The following SYNE1 variants were observed in gnomAD, a reference collection of about 807,000 sequenced individuals.
The protein encoded by SYNE1 is spectrin repeat containing nuclear envelope protein 1.
Under a neutral mutation model 1,111.0 loss-of-function variants are expected in SYNE1, and 616 were observed. The ratio of observed to expected loss-of-function variants is 0.55; its 90% CI spans 0.52 to 0.59. The LOEUF is 0.59. Among genes scored for constraint, SYNE1 ranks in the 20% least tolerant of loss-of-function variants. The pLI is 0.00. For missense variants in SYNE1, 10,006 were observed against 10,417.0 expected, an observed-to-expected ratio of 0.96 and a Z score of 1.72; for synonymous variants, 3,855 against 3,825.8, an observed-to-expected ratio of 1.01 and a Z score of -0.28.
chr6:152,184,631 T>TAGATAG (rs1554508083), intron 128 of SYNE1, among the ~76,000 whole-genome samples: 3 of 142,916 alleles, frequency 2.1e-5, no homozygotes, highest in Non-Finnish European at 3.1e-5. Context: ...TATACACATA[T>TAGATAG]ATAGATAGAT....
At chr6:152,255,562 C>A in intron 103 of SYNE1, 29 bp downstream of exon 103, 2 of 1,612,798 alleles carry the variant, frequency 1.2e-6, no homozygotes, top group Non-Finnish European at 1.7e-6. Context: ...TAATGTTATA[C>A]ACACACAGGC....
chr6:152,361,329 T>C (rs181489286), intron 64 of SYNE1, among the ~76,000 whole-genome samples: 20 of 152,198 alleles, frequency 1.3e-4, no homozygotes, highest in African/African-American at 4.6e-4. Flanking sequence ...CTGTAGACAA[T>C]GGGAAGCCAA....
intron 87 of SYNE1, 178 bp from the exon 88 acceptor site, chr6:152,311,051 GA>G (rs1162048492): frequency 1.7e-4 from 112 of 666,142 alleles, no homozygotes; most frequent in South Asian, 7.0e-4. Context: ...CTATTTCACA[GA>G]AAAAGAAATC....
chr6:152,497,269 A>G (rs2099004873), intron 11 of SYNE1, among the ~76,000 whole-genome samples: 1 of 152,244 alleles, frequency 6.6e-6, no homozygotes, highest in African/African-American at 2.4e-5. Flanking sequence ...TTAGAAACTC[A>G]GTTAAAAGTA....
intron 100 of SYNE1, among the ~76,000 whole-genome samples, chr6:152,263,124 G>T (rs1349691859): frequency 6.6e-6 from 1 of 151,950 alleles, no homozygotes; most frequent in Non-Finnish European, 1.5e-5. Flanking sequence ...TGGGAAGGTA[G>T]TACAGGACAC....
chr6:152,244,817 A>G (rs2086698029), intron 105 of SYNE1, among the ~76,000 whole-genome samples, 161 bp from the exon 106 acceptor site: 1 of 152,230 alleles, frequency 6.6e-6, no homozygotes, highest in Non-Finnish European at 1.5e-5. Context: ...AGCCATGTTC[A>G]GAGGGTATAT....
chr6:152,536,384 A>G (rs1296473535), intron 4 of SYNE1, among the ~76,000 whole-genome samples: 4 of 120,450 alleles, frequency 3.3e-5, no homozygotes, highest in African/African-American at 1.2e-4. Context: ...AGTAATATAT[A>G]TATATTTATA....
intron 101 of SYNE1, among the ~76,000 whole-genome samples, chr6:152,259,715 A>T (rs2091646055): frequency 6.6e-6 from 1 of 152,142 alleles, no homozygotes; most frequent in Non-Finnish European, 1.5e-5. Flanking sequence ...TCATTATATG[A>T]TCACTCCTTT....
chr6:152,266,954 G>T (rs1316169362), intron 100 of SYNE1, among the ~76,000 whole-genome samples: 1 of 151,496 alleles, frequency 6.6e-6, no homozygotes, highest in Non-Finnish European at 1.5e-5. Context: ...ATTATTGACG[G>T]TCTATTCTAG....
At chr6:152,286,889 T>C (rs1422489785) in intron 95 of SYNE1, among the ~76,000 whole-genome samples, 2 of 152,246 alleles carry the variant, frequency 1.3e-5, no homozygotes, top group African/African-American at 4.8e-5. Flanking sequence ...ATATAGGAAA[T>C]CTTTTGCCTA....
intron 6 of SYNE1, among the ~76,000 whole-genome samples, chr6:152,518,290 A>C (rs1373221292): frequency 6.6e-6 from 1 of 151,276 alleles, no homozygotes; most frequent in Non-Finnish European, 1.5e-5. Flanking sequence ...TGTGATCCCC[A>C]ATGTTGAAAG....
At position 152,493,493 on chromosome 6, in the gene SYNE1, T is replaced by C. The variant is rs138404542; in HGVS notation, c.940-4990A>G. Among the ~76,000 whole-genome samples the C allele has an allele frequency of 3.2e-3, 480 of 152,292 alleles. 5 individuals carry two copies. The highest frequency in any genetic ancestry group is 0.01 in the African/African-American group (420 of 41,564). Reference sequence around the variant, plus strand: ...TGCAAGGCTTCAGGGACAGCGCCCATTACTTCAGTCAAGCCCTTTCTCATA... The same window carrying C: ...TGCAAGGCTTCAGGGACAGCGCCCACTACTTCAGTCAAGCCCTTTCTCATA... On this transcript the variant is annotated intron_variant, in intron 11 of 145. Transcript: ENST00000367255.
At position 152,404,287 on chromosome 6, in the gene SYNE1, A is replaced by G. The variant is rs914531936; in HGVS notation, c.6751T>C (p.Leu2251=). 1 of 1,612,532 alleles carries G rather than the reference A, an allele frequency of 6.2e-7. No individual in the cohort carries two copies. Among genetic ancestry groups the G allele is most frequent in the Non-Finnish European group, 8.5e-7 (1 of 1,179,648 alleles). ...TTAACTTTGGAATGCAGTTCTTCCAATCTCAATGCTTTGTTTTTAACTTCA... is the reference window on the plus strand; with the variant it reads ...TTAACTTTGGAATGCAGTTCTTCCAGTCTCAATGCTTTGTTTTTAACTTCA... The part of the protein sequence containing the change: ...ESEVKNKALR[L]EELHSKVNDL... The change falls in exon 46 of 146, where the codon TTG becomes CTG. Residue 2251 remains leucine, a synonymous_variant. Coordinates refer to ENST00000367255, the MANE Select transcript of SYNE1 (RefSeq NM_182961.4).
chr6:152,331,544 G>C lies in SYNE1; in HGVS notation c.13141C>G (p.Gln4381Glu). 6.2e-7 allele frequency: 1 copy of C among 1,614,148 alleles called. No individual in the cohort carries two copies. Among genetic ancestry groups the C allele is most frequent in the Non-Finnish European group, 8.5e-7 (1 of 1,180,028 alleles). ...LKQSPPPDMAQNLLMDHLAIC... is the reference protein window; with the variant it reads ...LKQSPPPDMAENLLMDHLAIC... The stretch of plus-strand genomic sequence containing the variant: ...GCCAGGTGATCCATGAGAAGGTTCT[G>C]AGCCATATCTGGAGGAGGGCTCTGC... Residue 4381 changes from glutamine (Q) to glutamate (E), a missense_variant, in exon 78 of 146, where the codon CAG becomes GAG. Coordinates refer to ENST00000367255, the MANE Select transcript of SYNE1 (RefSeq NM_182961.4).
intron 3 of SYNE1, among the ~76,000 whole-genome samples, chr6:152,591,498 C>A (rs2099565685): frequency 6.6e-6 from 1 of 152,156 alleles, no homozygotes; most frequent in Non-Finnish European, 1.5e-5. Flanking sequence ...TCACCATATA[C>A]AAAAATTAAC....
chr6:152,262,475 C>T (rs1378809416), intron 100 of SYNE1, among the ~76,000 whole-genome samples: 1 of 152,128 alleles, frequency 6.6e-6, no homozygotes, highest in Non-Finnish European at 1.5e-5. Context: ...GACTAGTATC[C>T]TTTGGCAAAT....
At chr6:152,303,538 T>G (rs2095274987) in intron 91 of SYNE1, among the ~76,000 whole-genome samples, 3 of 151,248 alleles carry the variant, frequency 2.0e-5, no homozygotes, top group African/African-American at 7.3e-5. Flanking sequence ...TATGTACACA[T>G]AGTCATCCCT....
intron 34 of SYNE1, among the ~76,000 whole-genome samples, chr6:152,432,379 T>C (rs906961390): frequency 2.0e-5 from 3 of 152,166 alleles, no homozygotes; most frequent in Non-Finnish European, 4.4e-5. Context: ...CCAATTTCCA[T>C]AGGACAGTGT....
rs148235948 is a variant in SYNE1, at chr6:152,216,071, T to C, written c.22192-1011A>G. The stretch of plus-strand genomic sequence containing the variant: ...GGTATCCTTATCTCCATCTAGGAAA[T>C]TGGTTACAGGAAAGAAAAAATGTCA... On this transcript the variant is annotated intron_variant, in intron 121 of 145. Transcript: ENST00000367255. Among the ~76,000 whole-genome samples, 171 of 152,326 alleles carry C rather than the reference T, an allele frequency of 1.1e-3. 1 individual carries two copies. In the Middle Eastern group the frequency reaches 0.014, roughly 12 times the overall value.
Sources: allele counts gnomAD v4.1 joint callset (sites outside exome capture counted in the v4.1 genomes callset), GRCh38; gene constraint gnomAD v4.1.1; transcripts MANE v1.5; gene names NCBI Gene and HGNC (gene_info 2026-07-23, HGNC 2026-07-21).